The following MOB3B variants were observed in gnomAD, a reference collection of about 807,000 sequenced individuals.
The protein encoded by MOB3B is MOB kinase activator-like 2B.
MOB3B carries 7 observed loss-of-function variants against 18.7 expected under a neutral mutation model. That is an observed-to-expected ratio of 0.37 (90% CI 0.21 to 0.70). The LOEUF (loss-of-function observed/expected upper bound fraction) is 0.70, where lower values mean the gene tolerates loss of function less well. Among genes scored for constraint, MOB3B ranks in the 30% least tolerant of loss-of-function variants. The pLI is 0.52. For missense variants in MOB3B, 253 were observed against 281.3 expected, an observed-to-expected ratio of 0.90 and a Z score of 0.72; for synonymous variants, 111 against 99.9, an observed-to-expected ratio of 1.11 and a Z score of -0.66.
chr9:27,343,448 G>A (rs570959668), intron 3 of MOB3B, among the ~76,000 whole-genome samples: 45 of 121,552 alleles, frequency 3.7e-4, no homozygotes, highest in East Asian at 7.2e-4. Context: ...CCCCCTCTCC[G>A]AGAAACACCC....
intron 1 of MOB3B, among the ~76,000 whole-genome samples, chr9:27,473,929 C>T (rs1819513063): frequency 6.6e-6 from 1 of 152,128 alleles, no homozygotes; most frequent in African/African-American, 2.4e-5. Flanking sequence ...GAGGGCTCTA[C>T]CCTAATGAAT....
chr9:27,391,599 G>T (rs1030097475), intron 2 of MOB3B: 1 of 152,230 alleles, frequency 6.6e-6, no homozygotes, highest in Non-Finnish European at 1.5e-5. Flanking sequence ...GCATCTCTGA[G>T]TGTGATCCAA....
intron 1 of MOB3B, among the ~76,000 whole-genome samples, chr9:27,481,497 G>GT (rs749380961): frequency 3.0e-3 from 267 of 89,038 alleles, no homozygotes; most frequent in African/African-American, 7.5e-3. Context: ...AAGGAAGGTA[G>GT]TTTTTTTTTT....
At chr9:27,330,844 C>G (rs1351520763) in intron 3 of MOB3B, among the ~76,000 whole-genome samples, 1 of 151,884 alleles carries the variant, frequency 6.6e-6, no homozygotes, top group African/African-American at 2.4e-5. Context: ...TATCAAAATT[C>G]AGGTTGCTTG....
chr9:27,350,064 G>A (rs1821083513), intron 3 of MOB3B, among the ~76,000 whole-genome samples: 1 of 152,108 alleles, frequency 6.6e-6, no homozygotes, highest in Non-Finnish European at 1.5e-5. Context: ...TGGCTTTTGA[G>A]CACTTAACAT....
rs559287982 is a variant in MOB3B, at chr9:27,326,337, C to G, written c.*4250G>C. On this transcript the variant is annotated 3_prime_UTR_variant, in exon 4 of 4. Coordinates refer to ENST00000262244, the MANE Select transcript of MOB3B (RefSeq NM_024761.5). ...CAAGGGAAAGGAGGCTGAAGCACAA[C>G]TGGTAATAGCCTTCAGATATTTAAT... 6.8e-5 allele frequency: 27 copies of G among 396,580 alleles called. 1 individual carries two copies. The South Asian group carries it at 2.5e-3, about 37-fold the overall frequency. 24.6% of individuals were successfully genotyped at this position (396,580 alleles called of 1,614,324 possible).
chr9:27,443,294 C>T (rs1266749000), intron 2 of MOB3B, among the ~76,000 whole-genome samples: 2 of 152,180 alleles, frequency 1.3e-5, no homozygotes, highest in African/African-American at 2.4e-5. Context: ...CAGTCAGGAA[C>T]GTGCCACCAA....
chr9:27,520,642 G>T (rs566045741), intron 1 of MOB3B, among the ~76,000 whole-genome samples: 2 of 152,268 alleles, frequency 1.3e-5, no homozygotes, highest in South Asian at 4.1e-4. Context: ...GTATTATTTT[G>T]TTTTAGTATG....
chr9:27,465,020 C>A (rs571397046), intron 1 of MOB3B, among the ~76,000 whole-genome samples: 1 of 152,074 alleles, frequency 6.6e-6, no homozygotes, highest in Non-Finnish European at 1.5e-5. Context: ...CCAAATCTCA[C>A]GACCTCACAT....
intron 2 of MOB3B, among the ~76,000 whole-genome samples, chr9:27,436,510 T>G (rs1822503867): frequency 6.6e-6 from 1 of 152,206 alleles, no homozygotes; most frequent in Non-Finnish European, 1.5e-5. Flanking sequence ...TGTGAAACAG[T>G]CAACAAATAT....
At position 27,481,517 on chromosome 9, in the gene MOB3B, T is replaced by C. The variant is rs1169496919; in HGVS notation, c.-198-25769A>G. On this transcript the variant is annotated intron_variant, in intron 1 of 3. Transcript: ENST00000262244. ...AGGTAGTTTTTTTTTTTTTGTTTTTTTTGTTTTTTTTTTTTTTTGAGACGG... is the reference window on the plus strand; with the variant it reads ...AGGTAGTTTTTTTTTTTTTGTTTTTCTTGTTTTTTTTTTTTTTTGAGACGG... Among the ~76,000 whole-genome samples, 3 of 138,974 alleles carry C rather than the reference T, an allele frequency of 2.2e-5. No homozygotes were observed. The East Asian group carries it at 6.0e-4, about 28-fold the overall frequency. The allele number at this position is 138,974 out of a possible 152,430, so 91.2% of individuals were successfully genotyped here.
chr9:27,459,876 C>CA (rs35792761), intron 1 of MOB3B, among the ~76,000 whole-genome samples: 17,179 of 86,214 alleles, frequency 0.2, 1,689 homozygotes, highest in East Asian at 0.49. Context: ...TTTCAGTCTC[C>CA]AAAAAAAAAA....
intron 1 of MOB3B, among the ~76,000 whole-genome samples, chr9:27,522,242 CAAAAAAAAAA>C (rs1171362204): frequency 3.6e-5 from 2 of 56,046 alleles, no homozygotes; most frequent in African/African-American, 7.8e-5. Flanking sequence ...CCCCGTCTCA[CAAAAAAAAAA>C]AAAAAAAAAA....
rs1820762834 is a variant in MOB3B at position 27,329,940 on chromosome 9, G to A, written c.*647C>T. ...TGGGGCAGAGACAAGCCACCCCATG[G>A]AGTGTCCCTGATAAAACTATTTATT... is the stretch of plus-strand genomic sequence containing the variant. On this transcript the variant is annotated 3_prime_UTR_variant, in exon 4 of 4. Coordinates refer to ENST00000262244, the MANE Select transcript of MOB3B (RefSeq NM_024761.5). 1 of 152,286 alleles carries A rather than the reference G, an allele frequency of 6.6e-6. No homozygotes were observed. Among genetic ancestry groups the A allele is most frequent in the African/African-American group, 2.4e-5 (1 of 41,440 alleles). The allele number at this position is 152,286 out of a possible 1,614,324, so 9.4% of individuals were successfully genotyped here. A position where few individuals can be genotyped will look rare whatever the true frequency, so the allele number is the denominator to read the frequency against.
intron 2 of MOB3B, among the ~76,000 whole-genome samples, chr9:27,390,719 G>A (rs533371237): frequency 9.2e-5 from 14 of 152,180 alleles, no homozygotes; most frequent in Admixed American, 5.2e-4. Flanking sequence ...GGAATCAGAG[G>A]GTGCAATGGA....
At chr9:27,452,647 G>T (rs949836147) in intron 2 of MOB3B, among the ~76,000 whole-genome samples, 1 of 152,122 alleles carries the variant, frequency 6.6e-6, no homozygotes, top group Non-Finnish European at 1.5e-5. Flanking sequence ...AATGAATAAA[G>T]AAAATGTGGT....
intron 2 of MOB3B, among the ~76,000 whole-genome samples, chr9:27,379,135 G>A (rs1037157519): frequency 2.6e-5 from 4 of 152,120 alleles, no homozygotes; most frequent in African/African-American, 4.8e-5. Flanking sequence ...TTGTTGGAGC[G>A]GGGATTCAGG....
At chr9:27,365,157 G>C (rs1821324483) in intron 2 of MOB3B, among the ~76,000 whole-genome samples, 1 of 48,594 alleles carries the variant, frequency 2.1e-5, no homozygotes, top group African/African-American at 8.6e-5. Flanking sequence ...CCTGTTTGGG[G>C]GAGGCAAAAA....
intron 2 of MOB3B, among the ~76,000 whole-genome samples, chr9:27,369,171 GA>G (rs1203289795): frequency 6.6e-6 from 1 of 152,126 alleles, no homozygotes; most frequent in Non-Finnish European, 1.5e-5. Context: ...GTTTGATCAG[GA>G]ATATAGGTCT....
Sources: gnomAD v4.1 joint callset for allele counts (sites outside exome capture counted in the v4.1 genomes callset) on GRCh38, gnomAD v4.1.1 for gene constraint, MANE v1.5 for transcripts, NCBI Gene and HGNC (gene_info 2026-07-23, HGNC 2026-07-21) for gene names.